The following EIF2S2 variants were observed in gnomAD, a reference collection of about 807,000 sequenced individuals.
The protein encoded by EIF2S2 is eukaryotic translation initiation factor 2 subunit 2.
In EIF2S2, 4 loss-of-function variants were observed where a neutral mutation model predicts 44.0. The observed-to-expected ratio is 0.09, with a 90% CI of 0.04 to 0.21. The LOEUF (loss-of-function observed/expected upper bound fraction) is 0.21, where lower values mean the gene tolerates loss of function less well. EIF2S2 is among the 10% of genes least tolerant of loss of function. The pLI, the probability that EIF2S2 is intolerant of heterozygous loss-of-function variation, is 1.00. For synonymous variants in EIF2S2, 108 were observed against 128.3 expected (o/e 0.84, Z 1.07); for missense variants, 154 against 392.0 (o/e 0.39, Z 5.13).
At chr20:34,098,737 A>C in intron 3 of EIF2S2, 104 bp from the exon 4 acceptor site, 1 of 1,369,318 alleles carries the variant, frequency 7.3e-7, no homozygotes, top group Non-Finnish European at 9.7e-7. Context: ...TTTGTTGCTC[A>C]GGCTAGTCTC....
chr20:34,095,469 G>A lies in EIF2S2; in HGVS notation c.683+1188C>T, dbSNP rs991917804. ...CGGGATTACAGGCACGTGCCACCAC[G>A]CCTGACTTATTTTTTGTATTTTTTA... On this transcript the variant is annotated intron_variant, in intron 6 of 8. Transcript: ENST00000374980. Among the ~76,000 whole-genome samples the A allele has an allele frequency of 4.6e-5, 7 of 152,156 alleles. No homozygotes were observed. The East Asian group carries it at 5.8e-4, about 13-fold the overall frequency.
chr20:34,111,314 T>G (rs773180478), intron 1 of EIF2S2, among the ~76,000 whole-genome samples: 59 of 152,222 alleles, frequency 3.9e-4, no homozygotes, highest in Admixed American at 7.2e-4. Context: ...CAATACCTAC[T>G]GGGAGTACTT....
intron 1 of EIF2S2, among the ~76,000 whole-genome samples, chr20:34,107,041 G>A (rs749636082): frequency 7.8e-4 from 119 of 152,190 alleles, no homozygotes; most frequent in Middle Eastern, 3.4e-3. Context: ...ATTAGCAGAA[G>A]GTGGCGGGTG....
At position 34,089,579 on chromosome 20, in the gene EIF2S2, C is replaced by T. The variant is rs998380206; in HGVS notation, c.*151G>A. Reference sequence around the variant, plus strand: ...ATGAGTATGTCAACAGCTTGAGCATCAGCGTCTTGCAAGGACTTCAGACCA... The same window carrying T: ...ATGAGTATGTCAACAGCTTGAGCATTAGCGTCTTGCAAGGACTTCAGACCA... On this transcript the variant is annotated 3_prime_UTR_variant, in exon 9 of 9. Transcript: ENST00000374980. 22 of 699,686 alleles carry T rather than the reference C, an allele frequency of 3.1e-5. No homozygotes were observed. Among genetic ancestry groups the T allele is most frequent in the Non-Finnish European group, 4.8e-5 (21 of 436,758 alleles). 43.3% of individuals were successfully genotyped at this position (699,686 alleles called of 1,614,324 possible).
At chr20:34,096,145 T>A (rs975279376) in intron 6 of EIF2S2, among the ~76,000 whole-genome samples, 1 of 152,166 alleles carries the variant, frequency 6.6e-6, no homozygotes, top group African/African-American at 2.4e-5. Flanking sequence ...CCAAGGCTCC[T>A]GAGAACTACA....
intron 8 of EIF2S2, among the ~76,000 whole-genome samples, chr20:34,090,188 T>C (rs772464833): frequency 3.9e-5 from 6 of 152,222 alleles, no homozygotes; most frequent in African/African-American, 7.2e-5. Context: ...CACTCAAACA[T>C]GTTGACAGAC....
At chr20:34,092,879 T>C (rs546639312) in intron 7 of EIF2S2, among the ~76,000 whole-genome samples, 3 of 152,292 alleles carry the variant, frequency 2.0e-5, no homozygotes, top group Admixed American at 2.0e-4. Context: ...CAGGGACAGA[T>C]AGACCTGATT....
intron 7 of EIF2S2, 136 bp from the exon 8 acceptor site, chr20:34,090,738 T>C (rs999243386): frequency 6.3e-6 from 3 of 478,204 alleles, no homozygotes; most frequent in African/African-American, 6.1e-5. Context: ...GCTATACTAC[T>C]TGGTTTCCCA....
At chr20:34,105,709 A>AC (rs1223014296) in intron 1 of EIF2S2, among the ~76,000 whole-genome samples, 164 bp from the exon 2 acceptor site, 1 of 152,270 alleles carries the variant, frequency 6.6e-6, no homozygotes, top group East Asian at 1.9e-4. Flanking sequence ...TGTCCACCCA[A>AC]CCTTCTTGTT....
intron 6 of EIF2S2, 136 bp from the exon 7 acceptor site, chr20:34,093,867 TG>T: frequency 1.3e-6 from 1 of 754,098 alleles, no homozygotes; most frequent in Non-Finnish European, 2.1e-6. Context: ...ATTTAAACTT[TG>T]AAATAAAGAT....
intron 2 of EIF2S2, 28 bp from the exon 3 acceptor site, chr20:34,103,593 C>T (rs770056897): frequency 4.6e-6 from 7 of 1,518,542 alleles, no homozygotes; most frequent in Non-Finnish European, 6.2e-6. Flanking sequence ...TAATTATTAA[C>T]AACTAAAAGG....
At chr20:34,091,776 TGGG>T (rs1555812046) in intron 7 of EIF2S2, among the ~76,000 whole-genome samples, 41 of 95,818 alleles carry the variant, frequency 4.3e-4, no homozygotes, top group African/African-American at 1.4e-3. Flanking sequence ...TTTATTTTTT[TGGG>T]GGGGGGGGGT....
At chr20:34,092,262 A>G (rs888948327) in intron 7 of EIF2S2, among the ~76,000 whole-genome samples, 22 of 152,220 alleles carry the variant, frequency 1.4e-4, no homozygotes, top group Non-Finnish European at 2.6e-4. Context: ...TTGTTATAAT[A>G]GTTTATCCCA....
intron 5 of EIF2S2, 91 bp from the exon 6 acceptor site, chr20:34,096,896 T>G: frequency 7.4e-7 from 1 of 1,345,874 alleles, no homozygotes; most frequent in Non-Finnish European, 1.0e-6. Context: ...CAGCAAATAC[T>G]TCACTTCTGA....
At chr20:34,093,255 C>CTGGT (rs1206874734) in intron 7 of EIF2S2, among the ~76,000 whole-genome samples, 3 of 152,200 alleles carry the variant, frequency 2.0e-5, no homozygotes, top group Non-Finnish European at 4.4e-5. Context: ...ATCACAGATC[C>CTGGT]TGGTTTCAAT....
intron 1 of EIF2S2, among the ~76,000 whole-genome samples, chr20:34,107,333 C>T (rs186921861): frequency 2.2e-4 from 33 of 152,264 alleles, no homozygotes; most frequent in Admixed American, 1.7e-3. Flanking sequence ...CTGTGGACAG[C>T]GTTAATAGTA....
chr20:34,101,678 T>TC (rs1441919320), intron 3 of EIF2S2, among the ~76,000 whole-genome samples: 1 of 148,838 alleles, frequency 6.7e-6, no homozygotes, highest in Non-Finnish European at 1.5e-5. Flanking sequence ...TATTTTTCTT[T>TC]TTTTTTTTTT....
At chr20:34,089,977 AC>A (rs912143789) in intron 8 of EIF2S2, 72 bp from the exon 9 acceptor site, 2 of 1,527,876 alleles carry the variant, frequency 1.3e-6, no homozygotes, top group African/African-American at 2.8e-5. Flanking sequence ...CTTCTTAAAT[AC>A]ATCTACAAAG....
chr20:34,096,114 G>A (rs1434467899), intron 6 of EIF2S2, among the ~76,000 whole-genome samples: 1 of 152,080 alleles, frequency 6.6e-6, no homozygotes, highest in Non-Finnish European at 1.5e-5. Flanking sequence ...CAACTGATGA[G>A]CCTTTCCACT....
Sources: gnomAD v4.1 joint callset for allele counts (sites outside exome capture counted in the v4.1 genomes callset) on GRCh38, gnomAD v4.1.1 for gene constraint, MANE v1.5 for transcripts, NCBI Gene and HGNC (gene_info 2026-07-23, HGNC 2026-07-21) for gene names.